DST: variants seen among roughly 807,000 people sequenced by gnomAD.
The protein encoded by DST is dystonin, also known as bullous pemphigoid antigen.
DST carries 253 observed loss-of-function variants against 875.2 expected under a neutral mutation model. That is an observed-to-expected ratio of 0.29 (90% CI 0.26 to 0.32). The LOEUF (loss-of-function observed/expected upper bound fraction) is 0.32. DST is among the 10% of genes least tolerant of loss of function. DST has a pLI of 1.00. For synonymous variants in DST, 3,124 were observed against 3,197.1 expected, an observed-to-expected ratio of 0.98 and a Z score of 0.77; for missense variants, 8,287 against 9,111.6, an observed-to-expected ratio of 0.91 and a Z score of 3.68.
At chr6:56,579,180 AT>A (rs1278036941) in intron 49 of DST, among the ~76,000 whole-genome samples, 4 of 152,188 alleles carry the variant, frequency 2.6e-5, no homozygotes, top group African/African-American at 9.6e-5. Flanking sequence ...CTTTGAGCAT[AT>A]GTTCATAATA....
chr6:56,654,586 C>CTATA (rs138507484), intron 10 of DST, among the ~76,000 whole-genome samples: 1,560 of 133,294 alleles, frequency 0.012, 113 homozygotes, highest in African/African-American at 0.05. Flanking sequence ...CTCCCCTAGG[C>CTATA]TATATATATA....
At position 56,568,599 on chromosome 6, in the gene DST, G is replaced by C; in HGVS notation, c.13879-4C>G. Reference sequence around the variant, plus strand: ...AACTCCACTTTTCTTGTAATTTCTTGAGATATAAAAACACATTATTTTTCC... The same window carrying C: ...AACTCCACTTTTCTTGTAATTTCTTCAGATATAAAAACACATTATTTTTCC... On this transcript the variant is annotated splice_polypyrimidine_tract_variant and splice_region_variant and intron_variant, in intron 54 of 103. Transcript: ENST00000680361. 6.3e-7 allele frequency: 1 copy of C among 1,593,050 alleles called. No individual in the cohort carries two copies. Among genetic ancestry groups the C allele is most frequent in the Non-Finnish European group, 8.6e-7 (1 of 1,168,834 alleles).
chr6:56,645,065 G>A (rs1266943911), intron 15 of DST, among the ~76,000 whole-genome samples: 1 of 152,162 alleles, frequency 6.6e-6, no homozygotes, highest in Non-Finnish European at 1.5e-5. Flanking sequence ...ATGATTGTGA[G>A]GCCTCTCCAG....
chr6:56,703,614 G>T, intron 7 of DST, 34 bp downstream of exon 7: 1 of 860,040 alleles, frequency 1.2e-6, no homozygotes, highest in African/African-American at 1.8e-5. Context: ...CATGGGAACG[G>T]CTAGGTTAGT....
rs1164812960 is a variant in DST at position 56,526,399 on chromosome 6, C to T, written c.18091G>A (p.Val6031Met). The part of the protein sequence containing the change: ...RLVSDTITQK[V>M]EEIDAAILRS... ...AGAATGGCTGCATCGATCTCCTCCA[C>T]CTTCTGAGTGATGGTGTCGCTCACT... The change falls in exon 69 of 104, where the codon GTG (valine) becomes ATG (methionine). Residue 6031 changes from valine (V) to methionine (M), a missense_variant. Val to Met is a conservative substitution (Grantham distance 21). Coordinates refer to ENST00000680361, the MANE Select transcript of DST (RefSeq NM_001374736.1). 6 of 1,613,736 alleles carry T rather than the reference C, an allele frequency of 3.7e-6. No homozygotes were observed. In the Admixed American group the frequency reaches 1.0e-4, roughly 27 times the overall value.
At chr6:56,487,882 G>T (rs2095616415) in intron 86 of DST, among the ~76,000 whole-genome samples, 1 of 152,194 alleles carries the variant, frequency 6.6e-6, no homozygotes, top group Non-Finnish European at 1.5e-5. Context: ...CATTAATACA[G>T]TGATTCTCAA....
At chr6:56,910,773 C>T (rs926702899) in intron 2 of DST, among the ~76,000 whole-genome samples, 5 of 152,302 alleles carry the variant, frequency 3.3e-5, no homozygotes, top group African/African-American at 1.2e-4. Context: ...GCATGAGCCC[C>T]CGTGCTCGGC....
chr6:56,852,343 G>C (rs1765684091), intron 3 of DST, among the ~76,000 whole-genome samples: 1 of 152,210 alleles, frequency 6.6e-6, no homozygotes, highest in Non-Finnish European at 1.5e-5. Flanking sequence ...TTCCAGCAAA[G>C]TAACAGCTGC....
intron 2 of DST, among the ~76,000 whole-genome samples, chr6:56,903,884 A>G (rs1236931173): frequency 1.3e-5 from 2 of 152,190 alleles, no homozygotes; most frequent in Non-Finnish European, 2.9e-5. Flanking sequence ...TACTTGTACT[A>G]TTTTAAAATA....
intron 1 of DST, 125 bp downstream of exon 1, chr6:56,954,282 G>A (rs1824067551): frequency 9.6e-6 from 6 of 627,970 alleles, no homozygotes; most frequent in Non-Finnish European, 1.5e-5. Flanking sequence ...AACGCACTCA[G>A]CCTGGGGAGT....
At chr6:56,859,541 CAA>C (rs752853047) in intron 3 of DST, among the ~76,000 whole-genome samples, 1 of 152,112 alleles carries the variant, frequency 6.6e-6, no homozygotes, top group Non-Finnish European at 1.5e-5. Flanking sequence ...AAAGGAAAAG[CAA>C]ACAGATCTCT....
chr6:56,852,010 T>A (rs998476461), intron 3 of DST: 6 of 1,437,058 alleles, frequency 4.2e-6, no homozygotes, highest in Non-Finnish European at 5.4e-6. Context: ...AGCCTGCTGC[T>A]TAATTCATCA....
rs2096570483 is a variant in DST at position 56,515,488 on chromosome 6, C to G, written c.18538G>C (p.Glu6180Gln). The G allele has an allele frequency of 6.2e-7, 1 of 1,613,774 alleles. No individual in the cohort carries two copies. Among genetic ancestry groups the G allele is most frequent in the African/African-American group, 1.3e-5 (1 of 74,928 alleles). Residue 6180 changes from glutamate to glutamine, a missense_variant, in exon 72 of 104, where the codon GAA becomes CAA. This residue lies in a region of DST where 1,292 missense variants were observed against 1,552.7 expected (regional missense o/e 0.83). Transcript: ENST00000680361. ...TGCTGCTGCCTTAGAGTTTCATATT[C>G]AAGGGCTGGGGCGGGAAGCTGAGAG... ...IISQLPAPAL[E>Q]YETLRQQQEE...
intron 4 of DST, among the ~76,000 whole-genome samples, chr6:56,772,826 A>G (rs2099669971): frequency 6.6e-6 from 1 of 152,152 alleles, no homozygotes; most frequent in Non-Finnish European, 1.5e-5. Flanking sequence ...ACATCCTTAC[A>G]CAGTCTCCTC....
At chr6:56,648,778 T>G in intron 12 of DST, 89 bp from the exon 13 acceptor site, 1 of 1,130,188 alleles carries the variant, frequency 8.8e-7, no homozygotes, top group Non-Finnish European at 1.2e-6. Flanking sequence ...ATTCTGTAAA[T>G]GTATGTATTT....
At chr6:56,666,130 G>A (rs531217230) in intron 10 of DST, among the ~76,000 whole-genome samples, 182 of 151,902 alleles carry the variant, frequency 1.2e-3, no homozygotes, top group Non-Finnish European at 2.1e-3. Context: ...TATTTTCTAC[G>A]GAAAATTTTA....
In DST at chr6:56,562,333, A is replaced by G. The variant is rs575867828; in HGVS notation, c.14006-133T>C. Reference sequence around the variant, plus strand: ...CTGACTCAACTTCAAAATCAAATGAAGGTCCAAAATGTAAATATCAAACAA... The same window carrying G: ...CTGACTCAACTTCAAAATCAAATGAGGGTCCAAAATGTAAATATCAAACAA... On this transcript the variant is annotated intron_variant, in intron 55 of 103. Coordinates refer to ENST00000680361, the MANE Select transcript of DST (RefSeq NM_001374736.1). 5 of 503,364 alleles carry G rather than the reference A, an allele frequency of 9.9e-6. No individual in the cohort carries two copies. The East Asian group carries it at 1.3e-4, about 13-fold the overall frequency. The allele number at this position is 503,364 out of a possible 1,614,324, so 31.2% of individuals were successfully genotyped here.
intron 3 of DST, among the ~76,000 whole-genome samples, chr6:56,883,942 C>G (rs1000543124): frequency 1.3e-5 from 2 of 152,004 alleles, no homozygotes; most frequent in African/African-American, 4.8e-5. Context: ...CAAGCCTGGG[C>G]AACAAAGCAA....
rs370850703 is a variant in DST at position 56,604,633 on chromosome 6, G to A, written c.9995C>T (p.Ala3332Val). ...RIEQQLPKEQ[A>V]LSPRSQEKEV... ...CTTTTCTTGGGATCTTGGAGACAAG[G>A]CTTGTTCTTTTGGTAGCTGTTGCTC... is the stretch of plus-strand genomic sequence containing the variant. The change falls in exon 40 of 104, where the codon GCC (alanine) becomes GTC (valine). Residue 3332 changes from alanine (A) to valine (V), a missense_variant. By Grantham distance (64) the Ala-to-Val change is moderately conservative. Transcript: ENST00000680361. 8 of 1,612,424 alleles carry A rather than the reference G, an allele frequency of 5.0e-6. No individual in the cohort carries two copies. The African/African-American group carries it at 5.3e-5, about 11-fold the overall frequency.
Sources: allele counts gnomAD v4.1 joint callset (sites outside exome capture counted in the v4.1 genomes callset), GRCh38; gene constraint gnomAD v4.1.1; regional missense constraint gnomAD v4.1.1; transcripts MANE v1.5; gene names NCBI Gene and HGNC (gene_info 2026-07-23, HGNC 2026-07-21).